The following FER1L5 variants were observed in gnomAD, a reference collection of about 807,000 sequenced individuals.
FER1L5 encodes fer-1 like family member 5.
FER1L5 carries 187 observed loss-of-function variants against 279.9 expected under a neutral mutation model. The ratio of observed to expected loss-of-function variants is 0.67; its 90% CI spans 0.59 to 0.75. The LOEUF is 0.75. Ranked by LOEUF, FER1L5 falls within the 30% of genes least tolerant of loss-of-function variation. FER1L5 has a pLI of 0.00. For synonymous variants in FER1L5, 921 were observed against 989.7 expected (o/e 0.93, Z 1.30); for missense variants, 2,091 against 2,594.4 (o/e 0.81, Z 4.21).
At position 96,685,382 on chromosome 2, in the gene FER1L5, C is replaced by T. The variant is rs760020507; in HGVS notation, c.1848C>T (p.Leu616=). 6.4e-6 allele frequency: 10 copies of T among 1,551,252 alleles called. No homozygotes were observed. Among genetic ancestry groups the T allele is most frequent in the African/African-American group, 4.1e-5 (3 of 73,022 alleles). Residue 616 remains leucine, a synonymous_variant, in exon 21 of 53, where the codon CTC becomes CTT. Coordinates refer to ENST00000624922, the MANE Select transcript of FER1L5 (RefSeq NM_001293083.2). ...CGCGGAATCCGAAGGATCCAGCTCT[C>T]CTCTACCAGTGGGAGAAACTGCTGA... ...KSTRNPKDPA[L]LYQWEKLLRE... is the part of the protein sequence containing the mutation.
At chr2:96,688,248 T>C (rs1204174581) in intron 24 of FER1L5, among the ~76,000 whole-genome samples, 2 of 152,152 alleles carry the variant, frequency 1.3e-5, no homozygotes. Context: ...CGGGGCCTGG[T>C]CCCCCTCTCC....
chr2:96,690,631 C>A, intron 27 of FER1L5, 42 bp downstream of exon 27: 1 of 1,514,796 alleles, frequency 6.6e-7, no homozygotes, highest in Non-Finnish European at 9.0e-7. Flanking sequence ...GAGACCAGGG[C>A]CTCAAAATAA....
At chr2:96,649,257 C>G (rs1288205207) in intron 4 of FER1L5, among the ~76,000 whole-genome samples, 6 of 152,022 alleles carry the variant, frequency 3.9e-5, no homozygotes, top group Admixed American at 3.9e-4. Context: ...GTGTGCAGGG[C>G]CTCCCACATG....
chr2:96,658,764 C>G (rs1017481816), intron 9 of FER1L5, among the ~76,000 whole-genome samples: 1 of 152,008 alleles, frequency 6.6e-6, no homozygotes, highest in Admixed American at 6.6e-5. Flanking sequence ...ACCTTCCTAA[C>G]GACTAACGAT....
At chr2:96,645,559 A>C (rs1257212890) in intron 1 of FER1L5, among the ~76,000 whole-genome samples, 1 of 152,206 alleles carries the variant, frequency 6.6e-6, no homozygotes, top group Non-Finnish European at 1.5e-5. Context: ...AGGCCGAGGC[A>C]GGCAGATCAC....
intron 18 of FER1L5, 114 bp downstream of exon 18, chr2:96,670,361 T>A: frequency 7.5e-7 from 1 of 1,326,964 alleles, no homozygotes; most frequent in Non-Finnish European, 1.0e-6. Context: ...GGCTGTTGAG[T>A]GTGTAAGGAT....
rs374432341 is a variant in FER1L5, at chr2:96,703,346, G to A, written c.5691G>A (p.Ser1897=). ...QVLDGGKWRL[S]GKVKMSLEIL... Reference sequence around the variant, plus strand: ...TCGATGGTGGCAAATGGCGCTTGTCGGTAGGAGCTGGGGAGTGTCTACTGA... The same window carrying A: ...TCGATGGTGGCAAATGGCGCTTGTCAGTAGGAGCTGGGGAGTGTCTACTGA... The change falls in exon 50 of 53, where the codon TCG becomes TCA. Residue 1897 remains serine, a splice_region_variant and synonymous_variant. Transcript: ENST00000624922. 1.7e-5 allele frequency: 28 copies of A among 1,607,388 alleles called. No homozygotes were observed. The Middle Eastern group carries it at 2.8e-3, about 161-fold the overall frequency.
chr2:96,695,692 C>A (rs775474001), intron 35 of FER1L5, 31 bp downstream of exon 35: 5 of 1,606,324 alleles, frequency 3.1e-6, no homozygotes, highest in Non-Finnish European at 1.7e-6. Flanking sequence ...GGCTGGGCAG[C>A]CCTCTTCTTC....
At chr2:96,649,701 C>A (rs1476173179) in intron 5 of FER1L5, 24 bp downstream of exon 5, 4 of 1,550,450 alleles carry the variant, frequency 2.6e-6, no homozygotes, top group Non-Finnish European at 2.6e-6. Context: ...TGGAGCTTAC[C>A]CTTAAGGGCC....
rs997349037 is a variant in FER1L5, at chr2:96,691,788, C to T, written c.3076-37C>T. 1.9e-6 allele frequency: 3 copies of T among 1,551,556 alleles called. No individual in the cohort carries two copies. The highest frequency in any genetic ancestry group is 2.6e-6 in the Non-Finnish European group (3 of 1,146,998). On this transcript the variant is annotated intron_variant, in intron 29 of 52. Transcript: ENST00000624922. The surrounding 1 kb of genome is among the most constrained non-coding windows in gnomAD (Gnocchi z 6.0). ...CCTGGGCTAGAGGAAACAGGAGCAG[C>T]ACCCAAGAGCCTCAGGGGAGACTGT...
chr2:96,661,520 A>G, intron 11 of FER1L5, 80 bp downstream of exon 11: 1 of 1,505,524 alleles, frequency 6.6e-7, no homozygotes, highest in South Asian at 1.2e-5. Context: ...CTGGATATTG[A>G]CCATCACATC....
At position 96,698,666 on chromosome 2, in the gene FER1L5, G is replaced by A. The variant is rs776612922; in HGVS notation, c.4357-5G>A. 5.7e-6 allele frequency: 9 copies of A among 1,575,812 alleles called. No individual in the cohort carries two copies. The highest frequency in any genetic ancestry group is 1.7e-4 in the Middle Eastern group (1 of 6,006). Reference sequence around the variant, plus strand: ...GCTGGGCCCCCAACACCCTCCCCCCGCCAGGGCCTTTTCCGCATCTACCCC... The same window carrying A: ...GCTGGGCCCCCAACACCCTCCCCCCACCAGGGCCTTTTCCGCATCTACCCC... On this transcript the variant is annotated splice_polypyrimidine_tract_variant and splice_region_variant and intron_variant, in intron 40 of 52. Coordinates refer to ENST00000624922, the MANE Select transcript of FER1L5 (RefSeq NM_001293083.2). The surrounding 1 kb of genome is among the most constrained non-coding windows in gnomAD (Gnocchi z 5.5).
At chr2:96,659,392 T>TC (rs2075802192) in intron 9 of FER1L5, among the ~76,000 whole-genome samples, 3 of 8,332 alleles carry the variant, frequency 3.6e-4, no homozygotes, top group African/African-American at 9.8e-4. Context: ...TTTCTTTCTT[T>TC]CTTTCTTTCT....
intron 19 of FER1L5, among the ~76,000 whole-genome samples, chr2:96,679,608 A>T (rs1224861123): frequency 6.6e-6 from 1 of 152,234 alleles, no homozygotes; most frequent in Non-Finnish European, 1.5e-5. Flanking sequence ...CCAGTTGTTC[A>T]AGCAACATTT....
Position 96,702,811 on chromosome 2 carries a change from C to G in FER1L5, c.5397+70C>G, listed in dbSNP as rs987573649. ...ACCCAGGCTCCTGGAGCTCCTCCCC[C>G]CACCCCTCCAGAGGCTTGCAATCTG... On this transcript the variant is annotated intron_variant, in intron 48 of 52. Coordinates refer to ENST00000624922, the MANE Select transcript of FER1L5 (RefSeq NM_001293083.2). The surrounding 1 kb of genome is among the most constrained non-coding windows in gnomAD (Gnocchi z 4.0). 6.8e-5 allele frequency: 108 copies of G among 1,582,850 alleles called. No individual in the cohort carries two copies. Among genetic ancestry groups the G allele is most frequent in the Non-Finnish European group, 8.3e-5 (97 of 1,165,226 alleles).
rs2075951377 is a variant in FER1L5 at position 96,661,458 on chromosome 2, C to G, written c.894+18C>G. ...AGGCCCTGGTGAGCTGCCCCTAACC[C>G]CGGAAACTTTCCTATCCTGGCTGCC... On this transcript the variant is annotated intron_variant, in intron 11 of 52. Transcript: ENST00000624922. The G allele has an allele frequency of 6.5e-7, 1 of 1,549,562 alleles. No homozygotes were observed. Among genetic ancestry groups the G allele is most frequent in the Admixed American group, 2.0e-5 (1 of 50,558 alleles).
Position 96,673,316 on chromosome 2 carries a change from G to A in FER1L5, c.1669+62G>A, listed in dbSNP as rs535367203. 3 of 1,460,154 alleles carry A rather than the reference G, an allele frequency of 2.1e-6. No individual in the cohort carries two copies. The South Asian group carries it at 3.8e-5, about 19-fold the overall frequency. 90.4% of individuals were successfully genotyped at this position (1,460,154 alleles called of 1,614,324 possible). On this transcript the variant is annotated intron_variant, in intron 19 of 52. Coordinates refer to ENST00000624922, the MANE Select transcript of FER1L5 (RefSeq NM_001293083.2). The stretch of plus-strand genomic sequence containing the variant: ...CACTGCATGCCAGGCCCTGTGCTAG[G>A]CTCTCTCAGGGGTATTAGCTCATGG...
chr2:96,648,886 A>G (rs931327165), intron 4 of FER1L5, among the ~76,000 whole-genome samples: 1 of 152,254 alleles, frequency 6.6e-6, no homozygotes, highest in Non-Finnish European at 1.5e-5. Flanking sequence ...CCCATCATAA[A>G]GTCAAGGCAC....
At chr2:96,679,692 A>G (rs1234358566) in intron 19 of FER1L5, among the ~76,000 whole-genome samples, 1 of 152,118 alleles carries the variant, frequency 6.6e-6, no homozygotes, top group Non-Finnish European at 1.5e-5. Flanking sequence ...TCCATTGTTT[A>G]ATTTTCTACA....
Sources: gnomAD v4.1 joint callset for allele counts (sites outside exome capture counted in the v4.1 genomes callset) on GRCh38, gnomAD v4.1.1 for gene constraint, Gnocchi (gnomAD v3.1) non-coding constraint, MANE v1.5 for transcripts, NCBI Gene and HGNC (gene_info 2026-07-23, HGNC 2026-07-21) for gene names.